The following PTGER3 variants were observed in gnomAD, a reference collection of about 807,000 sequenced individuals.
PTGER3 encodes the protein prostaglandin E receptor 3.
PTGER3 carries 22 observed loss-of-function variants against 34.7 expected under a neutral mutation model. The ratio of observed to expected loss-of-function variants is 0.63; its 90% CI spans 0.45 to 0.91. PTGER3 has a LOEUF of 0.91. Ranked by LOEUF, PTGER3 falls within the 40% of genes least tolerant of loss-of-function variation. The probability of loss-of-function intolerance (pLI) is 0.00; values close to 1 mark genes in which losing one functional copy is unlikely to be tolerated. For synonymous variants in PTGER3, 241 were observed against 230.1 expected, an observed-to-expected ratio of 1.05 and a Z score of -0.43; for missense variants, 468 against 519.4, an observed-to-expected ratio of 0.90 and a Z score of 0.96.
intron 4 of PTGER3, among the ~76,000 whole-genome samples, chr1:70,862,755 G>C (rs372955047): frequency 1.3e-5 from 2 of 152,090 alleles, no homozygotes; most frequent in African/African-American, 4.8e-5. Flanking sequence ...GAAGAAAGAA[G>C]GGAGTAAGAA....
At chr1:70,854,411 G>C (rs1187387637) in intron 4 of PTGER3, among the ~76,000 whole-genome samples, 1 of 152,110 alleles carries the variant, frequency 6.6e-6, no homozygotes, top group Non-Finnish European at 1.5e-5. Flanking sequence ...ACTATAATGA[G>C]ATATCACCCA....
chr1:70,922,092 T>C (rs1572653630), intron 4 of PTGER3, among the ~76,000 whole-genome samples: 1 of 152,198 alleles, frequency 6.6e-6, no homozygotes, highest in East Asian at 1.9e-4. Flanking sequence ...TGCTAAATGC[T>C]TTAAGGTCAT....
At chr1:70,893,183 G>A (rs180698058) in intron 4 of PTGER3, among the ~76,000 whole-genome samples, 23 of 152,300 alleles carry the variant, frequency 1.5e-4, no homozygotes, top group Admixed American at 9.1e-4. Flanking sequence ...TACCCATTAT[G>A]TGCCAGGCAC....
chr1:71,020,345 A>G (rs1420505507), intron 1 of PTGER3, among the ~76,000 whole-genome samples: 1 of 152,208 alleles, frequency 6.6e-6, no homozygotes, highest in Admixed American at 6.5e-5. Context: ...CAATGGATTA[A>G]GAATCAAGTA....
chr1:71,046,822 G>C lies in PTGER3; in HGVS notation c.756C>G (p.Thr252=). 6.2e-7 allele frequency: 1 copy of C among 1,614,132 alleles called. No homozygotes were observed. The highest frequency in any genetic ancestry group is 1.1e-5 in the South Asian group (1 of 91,082). Residue 252 remains threonine (T), a synonymous_variant, in exon 1 of 4, where the codon ACC becomes ACG. Coordinates refer to ENST00000306666, the MANE Select transcript of PTGER3 (RefSeq NM_198719.2). ...GGCAGCGGGACACCAGGGCCTTAAT[G>C]GTGGCCAGGTTGCAGGAAAAGGTGA... The part of the protein sequence containing the change: ...LTVTFSCNLA[T]IKALVSRCRA...
At chr1:70,990,176 ACC>A (rs1018037336) in intron 2 of PTGER3, among the ~76,000 whole-genome samples, 3 of 151,104 alleles carry the variant, frequency 2.0e-5, no homozygotes, top group African/African-American at 7.3e-5. Context: ...ACACGGTGAA[ACC>A]CCCTCTCTAC....
chr1:70,953,787 C>G, exon 3 of PTGER3: 2 of 1,379,484 alleles, frequency 1.4e-6, no homozygotes, highest in South Asian at 1.4e-5. Context: ...TTCTTTTTCT[C>G]ATCTGAAAAA....
downstream of PTGER3, among the ~76,000 whole-genome samples, chr1:70,948,866 T>G (rs1650471865): frequency 6.6e-6 from 1 of 152,120 alleles, no homozygotes; most frequent in Admixed American, 6.6e-5. Flanking sequence ...AACCCTACTC[T>G]CTCTGTGGAT....
At chr1:71,046,546 C>G (rs904803068) in intron 1 of PTGER3, 135 bp downstream of exon 1, 1 of 1,108,582 alleles carries the variant, frequency 9.0e-7, no homozygotes, top group East Asian at 2.7e-5. Context: ...CAAGACCGCG[C>G]GGGCAGGAGG....
At chr1:70,999,579 T>C (rs1011516701) in intron 2 of PTGER3, among the ~76,000 whole-genome samples, 1 of 152,228 alleles carries the variant, frequency 6.6e-6, no homozygotes, top group Non-Finnish European at 1.5e-5. Flanking sequence ...ATAATCAGAA[T>C]AGTTTCACTG....
intron 4 of PTGER3, among the ~76,000 whole-genome samples, chr1:70,896,839 G>A (rs554024544): frequency 6.6e-6 from 1 of 152,156 alleles, no homozygotes; most frequent in South Asian, 2.1e-4. Context: ...TGACATAGCA[G>A]AGTACAAACA....
At chr1:70,947,633 G>A (rs184077880), downstream of PTGER3, among the ~76,000 whole-genome samples, 9 of 152,070 alleles carry the variant, frequency 5.9e-5, no homozygotes, top group East Asian at 5.8e-4. Context: ...AAAATAATTC[G>A]AATTAACCTT....
Position 70,973,243 on chromosome 1 carries a change from A to G in PTGER3, c.1169+1054T>C, listed in dbSNP as rs188731844. ...AGATGATAGATAGATAGATAGATAG[A>G]TAGATAGATAGATAGATAGATAGAT... On this transcript the variant is annotated intron_variant, in intron 3 of 3. Transcript: ENST00000306666. Among the ~76,000 whole-genome samples the G allele has an allele frequency of 4.5e-4, 69 of 151,866 alleles. 2 individuals are homozygous for G. The East Asian group carries it at 7.0e-3, about 15-fold the overall frequency.
chr1:71,045,572 T>C (rs934562345), intron 1 of PTGER3, among the ~76,000 whole-genome samples: 5 of 152,096 alleles, frequency 3.3e-5, no homozygotes, highest in Non-Finnish European at 5.9e-5. Flanking sequence ...TAGCTAAAAG[T>C]AACACAGACA....
chr1:71,012,634 G>C, intron 1 of PTGER3, 150 bp from the exon 2 acceptor site: 1 of 675,462 alleles, frequency 1.5e-6, no homozygotes, highest in Middle Eastern at 4.1e-4. Context: ...GGATAACACA[G>C]TCCTGAATTA....
chr1:70,974,252 CG>C (rs756306433), intron 3 of PTGER3, 44 bp downstream of exon 3: 115 of 1,604,958 alleles, frequency 7.2e-5, no homozygotes, highest in Non-Finnish European at 9.5e-5. Flanking sequence ...AACAGAGAGA[CG>C]GGGGAAGGCT....
intron 2 of PTGER3, among the ~76,000 whole-genome samples, chr1:70,999,966 C>T (rs1557728330): frequency 2.0e-5 from 3 of 152,170 alleles, no homozygotes; most frequent in Admixed American, 6.5e-5. Context: ...CTAGATTGGA[C>T]ATATGGACCT....
At chr1:70,975,354 A>T (rs1171229779) in intron 2 of PTGER3, among the ~76,000 whole-genome samples, 2 of 143,204 alleles carry the variant, frequency 1.4e-5, no homozygotes, top group African/African-American at 5.4e-5. Flanking sequence ...TCACAGCAGA[A>T]AAACGATTCC....
chr1:71,033,940 C>T (rs1304040029), intron 1 of PTGER3, among the ~76,000 whole-genome samples: 4 of 151,872 alleles, frequency 2.6e-5, no homozygotes, highest in African/African-American at 9.7e-5. Context: ...TAATATAATG[C>T]TGCATTAGTA....
Sources: gnomAD v4.1 joint callset for allele counts (sites outside exome capture counted in the v4.1 genomes callset) on GRCh38, gnomAD v4.1.1 for gene constraint, MANE v1.5 for transcripts, NCBI Gene and HGNC (gene_info 2026-07-23, HGNC 2026-07-21) for gene names.